MYO16: variants seen among roughly 807,000 people sequenced by gnomAD.
MYO16 encodes the protein myosin XVI, also known as unconventional myosin-XVI.
A neutral mutation model predicts 205.3 loss-of-function variants in MYO16; 94 were observed. The observed-to-expected ratio is 0.46, with a 90% CI of 0.39 to 0.54. The LOEUF (loss-of-function observed/expected upper bound fraction) is 0.54, where lower values mean the gene tolerates loss of function less well. MYO16 is among the 20% of genes least tolerant of loss of function. The pLI is 0.00. For missense variants in MYO16, 2,315 were observed against 2,387.5 expected, an observed-to-expected ratio of 0.97 and a Z score of 0.63; for synonymous variants, 988 against 954.0, an observed-to-expected ratio of 1.04 and a Z score of -0.66.
chr13:108,908,279 T>A (rs1160759498), intron 15 of MYO16, among the ~76,000 whole-genome samples: 1 of 152,176 alleles, frequency 6.6e-6, no homozygotes, highest in Non-Finnish European at 1.5e-5. Context: ...CTTTATGCAC[T>A]CCTGGCAACT....
chr13:108,733,517 G>A (rs1482505526), intron 4 of MYO16, among the ~76,000 whole-genome samples: 1 of 152,194 alleles, frequency 6.6e-6, no homozygotes, highest in African/African-American at 2.4e-5. Context: ...CTCTGATCTG[G>A]TGCTATATTG....
At chr13:109,075,323 C>T (rs974149775) in intron 27 of MYO16, among the ~76,000 whole-genome samples, 30 of 84,910 alleles carry the variant, frequency 3.5e-4, no homozygotes, top group African/African-American at 1.1e-3. Context: ...CTGTCCAACA[C>T]GTGGTTTGAT....
intron 23 of MYO16, among the ~76,000 whole-genome samples, chr13:109,021,643 C>T (rs9521130): frequency 0.15 from 23,109 of 152,090 alleles, 2,160 homozygotes; most frequent in Non-Finnish European, 0.2. Context: ...GATGCATGGG[C>T]GATGCCATTC....
intron 27 of MYO16, among the ~76,000 whole-genome samples, chr13:109,066,207 G>C (rs1887743812): frequency 6.6e-6 from 1 of 152,212 alleles, no homozygotes; most frequent in Non-Finnish European, 1.5e-5. Context: ...ACCCTCGCTA[G>C]AGAAACAGCC....
At chr13:108,735,993 TG>T (rs1280380166) in intron 4 of MYO16, among the ~76,000 whole-genome samples, 1 of 56,334 alleles carries the variant, frequency 1.8e-5, no homozygotes, top group East Asian at 4.3e-4. Context: ...TGGGGTTGTT[TG>T]TTTTTTTTCT....
chr13:108,759,332 T>A lies in MYO16; in HGVS notation c.508-26303T>A, dbSNP rs1012973526. Among the ~76,000 whole-genome samples the A allele has an allele frequency of 3.9e-5, 6 of 152,372 alleles. No homozygotes were observed. The South Asian group carries it at 1.0e-3, about 26-fold the overall frequency. ...ATTGCTGTTTTACAAAACACACACA[T>A]CATTCTGCTGTATTTATAATACTAT... On this transcript the variant is annotated intron_variant, in intron 4 of 34. Transcript: ENST00000457511.
At chr13:109,193,466 T>G (rs1880012954) in intron 34 of MYO16, among the ~76,000 whole-genome samples, 1 of 152,166 alleles carries the variant, frequency 6.6e-6, no homozygotes, top group African/African-American at 2.4e-5. Flanking sequence ...CTAGTTGGAT[T>G]GGGTTCTGTT....
intron 4 of MYO16, among the ~76,000 whole-genome samples, chr13:108,753,109 C>G (rs1422317275): frequency 1.3e-5 from 2 of 151,618 alleles, no homozygotes; most frequent in Non-Finnish European, 2.9e-5. Context: ...GTGGCTCATA[C>G]CTGTAATCCC....
chr13:109,152,369 A>G (rs932562805), intron 32 of MYO16, among the ~76,000 whole-genome samples: 3 of 152,214 alleles, frequency 2.0e-5, no homozygotes, highest in African/African-American at 7.2e-5. Context: ...TAGCACAACT[A>G]GAGATCTGGT....
intron 3 of MYO16, among the ~76,000 whole-genome samples, chr13:108,724,572 T>C (rs1211427121): frequency 6.9e-6 from 1 of 143,996 alleles, no homozygotes; most frequent in East Asian, 1.9e-4. Flanking sequence ...TGTTTTTCTT[T>C]CCTCTTTTTC....
At chr13:108,927,264 G>A (rs1474261363) in intron 16 of MYO16, among the ~76,000 whole-genome samples, 1 of 152,072 alleles carries the variant, frequency 6.6e-6, no homozygotes, top group Non-Finnish European at 1.5e-5. Flanking sequence ...TTGCATTTTC[G>A]GCATTTAGAA....
chr13:108,704,729 T>C (rs1883438349), intron 2 of MYO16, among the ~76,000 whole-genome samples: 1 of 151,878 alleles, frequency 6.6e-6, no homozygotes, highest in African/African-American at 2.4e-5. Context: ...TATATTTAAA[T>C]ACATAAAAGT....
intron 27 of MYO16, among the ~76,000 whole-genome samples, chr13:109,090,085 C>A (rs892403376): frequency 6.6e-6 from 1 of 152,168 alleles, no homozygotes; most frequent in Non-Finnish European, 1.5e-5. Flanking sequence ...TCCTAAAAGA[C>A]GATAGCAGCC....
chr13:108,806,753 A>G lies in MYO16; in HGVS notation c.816A>G (p.Ile272Met), dbSNP rs1238178900. Residue 272 changes from isoleucine (I) to methionine (M), a missense_variant, in exon 7 of 35, where the codon ATA becomes ATG. Ile to Met is a conservative substitution (Grantham distance 10). This residue lies in a region of MYO16 where 1,213 missense variants were observed against 1,274.4 expected (regional missense o/e 0.95). Coordinates refer to ENST00000457511, the MANE Select transcript of MYO16 (RefSeq NM_001198950.3). ...LILEHGGDLN[I>M]VDDQYWTPLH... ...TGGAACATGGTGGAGACCTCAACAT[A>G]GTAGATGATCAGTACTGGACTCCCC... is the stretch of plus-strand genomic sequence containing the variant. The G allele has an allele frequency of 1.2e-6, 2 of 1,613,022 alleles. No homozygotes were observed. Among genetic ancestry groups the G allele is most frequent in the African/African-American group, 2.7e-5 (2 of 74,922 alleles).
the MYO16 span, among the ~76,000 whole-genome samples, chr13:108,529,397 T>C: frequency 6.6e-6 from 1 of 152,166 alleles, no homozygotes; most frequent in Admixed American, 6.5e-5. Flanking sequence ...ATTCATACTT[T>C]AAAGCCATTT....
chr13:109,104,152 G>A (rs781629233), intron 28 of MYO16, among the ~76,000 whole-genome samples: 2 of 152,012 alleles, frequency 1.3e-5, no homozygotes, highest in African/African-American at 2.4e-5. Flanking sequence ...TGAGACCAAC[G>A]TCTAGCTTTT....
At chr13:108,665,766 A>C in intron 1 of MYO16, 120 bp from the exon 2 acceptor site, 4 of 1,047,116 alleles carry the variant, frequency 3.8e-6, no homozygotes, top group African/African-American at 1.6e-5. Context: ...ATCAAGTGCA[A>C]GGAGAATTGT....
chr13:109,186,128 T>G (rs1434419584), intron 34 of MYO16, among the ~76,000 whole-genome samples: 2 of 152,026 alleles, frequency 1.3e-5, no homozygotes, highest in African/African-American at 4.8e-5. Context: ...TTCACACCAT[T>G]GCATTCCAGC....
At chr13:108,856,088 G>A (rs1878156856) in intron 11 of MYO16, among the ~76,000 whole-genome samples, 1 of 152,180 alleles carries the variant, frequency 6.6e-6, no homozygotes, top group Non-Finnish European at 1.5e-5. Flanking sequence ...TCAAATGACA[G>A]CATGGAGAAT....
Sources: gnomAD v4.1 joint callset for allele counts (sites outside exome capture counted in the v4.1 genomes callset) on GRCh38, gnomAD v4.1.1 for gene constraint, gnomAD v4.1.1 regional missense constraint, MANE v1.5 for transcripts, NCBI Gene and HGNC (gene_info 2026-07-23, HGNC 2026-07-21) for gene names.